The following ROBO1 variants were observed in gnomAD, a reference collection of about 807,000 sequenced individuals.
ROBO1 encodes the protein roundabout homolog 1.
A neutral mutation model predicts 195.9 loss-of-function variants in ROBO1; 149 were observed. That is an observed-to-expected ratio of 0.76 (90% CI 0.67 to 0.87). The LOEUF is 0.87. Among genes scored for constraint, ROBO1 ranks in the 40% least tolerant of loss-of-function variants. ROBO1 has a pLI of 0.00. For synonymous variants in ROBO1, 816 were observed against 733.2 expected (o/e 1.11, Z -1.82); for missense variants, 1,933 against 2,068.3 (o/e 0.93, Z 1.27).
intron 2 of ROBO1, among the ~76,000 whole-genome samples, chr3:79,189,107 A>G (rs2081493440): frequency 6.6e-6 from 1 of 151,822 alleles, no homozygotes; most frequent in Admixed American, 6.6e-5. Flanking sequence ...AGTTTATAGT[A>G]TTTGTTGTAG....
At position 79,407,675 on chromosome 3, in the gene ROBO1, T is replaced by C. The variant is rs147048186; in HGVS notation, c.88+182149A>G. Among the ~76,000 whole-genome samples the C allele has an allele frequency of 1.3e-4, 20 of 152,244 alleles. 1 individual carries two copies. Among genetic ancestry groups the C allele is most frequent in the Admixed American group, 1.2e-3 (18 of 15,288 alleles). ...TGGGGTTGTTTTCTTATTTTCTAAATGTGTTTGTTTAGAAAAGATAGAAGT... is the reference window on the plus strand; with the variant it reads ...TGGGGTTGTTTTCTTATTTTCTAAACGTGTTTGTTTAGAAAAGATAGAAGT... On this transcript the variant is annotated intron_variant, in intron 2 of 30. Coordinates refer to ENST00000464233, the MANE Select transcript of ROBO1 (RefSeq NM_002941.4).
At chr3:79,416,565 G>A (rs1200452723) in intron 2 of ROBO1, among the ~76,000 whole-genome samples, 2 of 149,710 alleles carry the variant, frequency 1.3e-5, no homozygotes, top group Admixed American at 6.7e-5. Flanking sequence ...CCATGATCAT[G>A]CCACTGCACT....
chr3:78,745,633 T>A (rs1446490522), intron 5 of ROBO1, among the ~76,000 whole-genome samples: 2 of 152,228 alleles, frequency 1.3e-5, no homozygotes, highest in Admixed American at 6.5e-5. Context: ...CAGTTACTTT[T>A]GTCATGTGAC....
chr3:78,863,679 T>C (rs992193289), intron 4 of ROBO1, among the ~76,000 whole-genome samples: 2 of 152,226 alleles, frequency 1.3e-5, no homozygotes, highest in Non-Finnish European at 2.9e-5. Context: ...GTCCACCATG[T>C]TCTTTCAGTT....
intron 2 of ROBO1, among the ~76,000 whole-genome samples, chr3:79,353,589 A>C (rs2109275075): frequency 6.6e-6 from 1 of 152,270 alleles, no homozygotes; most frequent in Non-Finnish European, 1.5e-5. Context: ...AAGCGTGTGG[A>C]CATGGAGGTG....
In ROBO1 at chr3:79,505,947, G is replaced by A. The variant is rs371399241; in HGVS notation, c.88+83877C>T. 2.0e-5 allele frequency among the ~76,000 whole-genome samples: 3 copies of A among 152,042 alleles called. No individual in the cohort carries two copies. In the South Asian group the frequency reaches 6.2e-4, roughly 32 times the overall value. ...CCACAGTGTATGTAGATGCACAGAG[G>A]GATGATCCTATCAGTGGCATTTGTG... On this transcript the variant is annotated intron_variant, in intron 2 of 30. Transcript: ENST00000464233.
intron 2 of ROBO1, among the ~76,000 whole-genome samples, chr3:79,446,972 C>G (rs959341980): frequency 6.6e-6 from 1 of 151,954 alleles, no homozygotes; most frequent in African/African-American, 2.4e-5. Flanking sequence ...TACAGGCTAA[C>G]GCCACCATGC....
intron 3 of ROBO1, among the ~76,000 whole-genome samples, chr3:79,042,835 T>A (rs971045415): frequency 6.6e-6 from 1 of 152,160 alleles, no homozygotes; most frequent in Non-Finnish European, 1.5e-5. Context: ...TAAAATTCTA[T>A]AATAAAATCT....
At chr3:78,718,026 A>C in intron 5 of ROBO1, 143 bp from the exon 6 acceptor site, 3 of 760,944 alleles carry the variant, frequency 3.9e-6, no homozygotes, top group Non-Finnish European at 6.2e-6. Context: ...AGTATTTGCT[A>C]TTTTTAGGTA....
intron 1 of ROBO1, among the ~76,000 whole-genome samples, chr3:79,637,384 CAA>C (rs71130603): frequency 2.3e-5 from 3 of 131,560 alleles, no homozygotes; most frequent in Non-Finnish European, 3.3e-5. Context: ...TTATAAGTAG[CAA>C]AAAAAAAAAA....
At chr3:79,339,528 T>C (rs1445098629) in intron 2 of ROBO1, among the ~76,000 whole-genome samples, 1 of 152,166 alleles carries the variant, frequency 6.6e-6, no homozygotes, top group African/African-American at 2.4e-5. Context: ...CCTGCATACA[T>C]TCCCTCAGTT....
chr3:79,007,080 A>C (rs772746390), intron 3 of ROBO1, among the ~76,000 whole-genome samples: 4 of 152,192 alleles, frequency 2.6e-5, no homozygotes, highest in Non-Finnish European at 5.9e-5. Context: ...AACAATAACA[A>C]CAAAAACAAC....
At chr3:79,415,299 T>A (rs886604347) in intron 2 of ROBO1, among the ~76,000 whole-genome samples, 2 of 152,154 alleles carry the variant, frequency 1.3e-5, no homozygotes, top group African/African-American at 4.8e-5. Context: ...GGACGCTGTA[T>A]AATAATATCT....
chr3:79,681,514 TGA>T (rs1245033724), intron 1 of ROBO1, among the ~76,000 whole-genome samples: 1 of 151,878 alleles, frequency 6.6e-6, no homozygotes, highest in African/African-American at 2.4e-5. Context: ...TAGAAAAATG[TGA>T]GTTATTTGGA....
chr3:79,282,276 AGAAT>A (rs372877499), intron 2 of ROBO1, among the ~76,000 whole-genome samples: 1 of 152,240 alleles, frequency 6.6e-6, no homozygotes, highest in African/African-American at 2.4e-5. Context: ...GATAGAATAC[AGAAT>A]GAAGAAGTGT....
At chr3:79,651,478 A>T (rs1398304838) in intron 1 of ROBO1, among the ~76,000 whole-genome samples, 1 of 152,120 alleles carries the variant, frequency 6.6e-6, no homozygotes, top group Non-Finnish European at 1.5e-5. Context: ...AAGCCAAAAC[A>T]TCCATATAAA....
At chr3:79,087,239 CTTAATTTTA>C (rs1175571216) in intron 3 of ROBO1, among the ~76,000 whole-genome samples, 7 of 151,988 alleles carry the variant, frequency 4.6e-5, no homozygotes, top group Admixed American at 1.3e-4. Context: ...AAGGATTTTC[CTTAATTTTA>C]AGCATAAGCC....
intron 2 of ROBO1, among the ~76,000 whole-genome samples, chr3:79,179,516 G>T (rs1471021101): frequency 6.6e-6 from 1 of 152,112 alleles, no homozygotes; most frequent in Non-Finnish European, 1.5e-5. Context: ...AGTAAACCAG[G>T]TTAGATCACA....
chr3:78,931,989 A>AT (rs2039558093), intron 4 of ROBO1, among the ~76,000 whole-genome samples: 1 of 152,150 alleles, frequency 6.6e-6, no homozygotes. Context: ...ATAAAAAAAA[A>AT]GTTTAAACTG....
Sources: allele counts gnomAD v4.1 joint callset (sites outside exome capture counted in the v4.1 genomes callset), GRCh38; gene constraint gnomAD v4.1.1; transcripts MANE v1.5; gene names NCBI Gene and HGNC (gene_info 2026-07-23, HGNC 2026-07-21).